Variants in VGLL4 observed in about 807,000 individuals in gnomAD.
VGLL4 encodes transcription cofactor vestigial-like protein 4.
Under a neutral mutation model 21.0 loss-of-function variants are expected in VGLL4, and 7 were observed. The ratio of observed to expected loss-of-function variants is 0.33; its 90% CI spans 0.19 to 0.63. The LOEUF (loss-of-function observed/expected upper bound fraction) is 0.63, where lower values mean the gene tolerates loss of function less well. Among genes scored for constraint, VGLL4 ranks in the 20% least tolerant of loss-of-function variants. The probability of loss-of-function intolerance (pLI) is 0.78; values close to 1 mark genes in which losing one functional copy is unlikely to be tolerated. For synonymous variants in VGLL4, 222 were observed against 173.2 expected (o/e 1.28, Z -2.21); for missense variants, 394 against 425.7 (o/e 0.93, Z 0.66).
At position 11,653,432 on chromosome 3, in the gene VGLL4, T is replaced by C. The variant is rs1283540908; in HGVS notation, c.64+49539A>G. On this transcript the variant is annotated intron_variant, in intron 2 of 5. Coordinates refer to the VGLL4 transcript ENST00000273038. The surrounding 1 kb of genome is among the most constrained non-coding windows in gnomAD (Gnocchi z 4.2). ...GGATTCCTTCACTCCACATATTTTA[T>C]GAGTGGTAGCATTATTTTTATGTGC... is the stretch of plus-strand genomic sequence containing the variant. 6.6e-6 allele frequency among the ~76,000 whole-genome samples: 1 copy of C among 152,234 alleles called. No individual in the cohort carries two copies. Among genetic ancestry groups the C allele is most frequent in the African/African-American group, 2.4e-5 (1 of 41,464 alleles).
chr3:11,606,243 C>T (rs561908654), intron 1 of VGLL4, among the ~76,000 whole-genome samples: 9 of 152,204 alleles, frequency 5.9e-5, no homozygotes, highest in Non-Finnish European at 1.2e-4. Context: ...CAGTTATCTC[C>T]CACCAGGTCC....
chr3:11,637,917 G>T lies in VGLL4; in HGVS notation c.82+5520C>A, dbSNP rs79439721. Among the ~76,000 whole-genome samples the T allele has an allele frequency of 7.5e-3, 1,149 of 152,284 alleles. 8 individuals carry two copies. The highest frequency in any genetic ancestry group is 0.012 in the Non-Finnish European group (823 of 68,034). The stretch of plus-strand genomic sequence containing the variant: ...GCAGAGCAAGTCTTAAAAAACAGTT[G>T]CCATGAGCTTCAATGTGCAATAATA... On this transcript the variant is annotated intron_variant, in intron 1 of 4. Transcript: ENST00000430365.
chr3:11,671,093 C>A (rs540794148), intron 2 of VGLL4, among the ~76,000 whole-genome samples: 2 of 152,250 alleles, frequency 1.3e-5, no homozygotes, highest in South Asian at 2.1e-4. Flanking sequence ...CAGCTGCCCC[C>A]GTCCTTAAGA....
intron 2 of VGLL4, among the ~76,000 whole-genome samples, chr3:11,656,224 A>G (rs1354688764): frequency 6.6e-6 from 1 of 152,238 alleles, no homozygotes; most frequent in Non-Finnish European, 1.5e-5. Flanking sequence ...GACGAGGTCC[A>G]TTCACCACAC....
chr3:11,586,325 A>T (rs1489176287), intron 2 of VGLL4, among the ~76,000 whole-genome samples: 1 of 152,230 alleles, frequency 6.6e-6, no homozygotes, highest in East Asian at 1.9e-4. Context: ...ACTTTCTCCA[A>T]AATAAAAAGT....
In VGLL4 at chr3:11,656,484, T is replaced by C. The variant is rs145618125; in HGVS notation, c.64+46487A>G. 9.8e-3 allele frequency among the ~76,000 whole-genome samples: 1,493 copies of C among 152,244 alleles called. 15 individuals are homozygous for C. The highest frequency in any genetic ancestry group is 0.016 in the Non-Finnish European group (1,067 of 67,990). ...GCTAACAGGCTAGGAGCACCTGAGCTGGGGATCTTTGCAGAAGGGGCTGGC... is the reference window on the plus strand; with the variant it reads ...GCTAACAGGCTAGGAGCACCTGAGCCGGGGATCTTTGCAGAAGGGGCTGGC... On this transcript the variant is annotated intron_variant, in intron 2 of 5. Coordinates refer to the VGLL4 transcript ENST00000273038.
intron 2 of VGLL4, among the ~76,000 whole-genome samples, chr3:11,678,712 T>C (rs1236953803): frequency 6.6e-6 from 1 of 152,180 alleles, no homozygotes; most frequent in East Asian, 1.9e-4. Flanking sequence ...TCTCCCTCTT[T>C]GTTTATGTTG....
At chr3:11,576,994 A>G (rs2077507) in intron 2 of VGLL4, among the ~76,000 whole-genome samples, 35,337 of 152,126 alleles carry the variant, frequency 0.23, 4,934 homozygotes, top group African/African-American at 0.38. Context: ...TTTATGAATG[A>G]GCCAACCGAA....
At chr3:11,622,014 G>GT (rs1385284788) in intron 1 of VGLL4, among the ~76,000 whole-genome samples, 1 of 150,530 alleles carries the variant, frequency 6.6e-6, no homozygotes, top group Non-Finnish European at 1.5e-5. Flanking sequence ...CTGTTGAGAT[G>GT]TAAGAGTTCT....
intron 2 of VGLL4, among the ~76,000 whole-genome samples, chr3:11,578,271 C>T (rs2074113119): frequency 6.6e-6 from 1 of 152,110 alleles, no homozygotes; most frequent in Non-Finnish European, 1.5e-5. Context: ...GCTTTGTGAC[C>T]CCATACTGGC....
chr3:11,681,305 G>A lies in VGLL4; in HGVS notation c.64+21666C>T, dbSNP rs186068400. ...GTAGAGACGGGGTTTCACCATGTTC[G>A]GCAAGATGGTCTCAAACTCCTGACC... On this transcript the variant is annotated intron_variant, in intron 2 of 5. Coordinates refer to the VGLL4 transcript ENST00000273038. Among the ~76,000 whole-genome samples the A allele has an allele frequency of 2.0e-3, 305 of 152,230 alleles. 2 individuals carry two copies. Among genetic ancestry groups the A allele is most frequent in the African/African-American group, 7.2e-3 (299 of 41,534 alleles).
intron 2 of VGLL4, among the ~76,000 whole-genome samples, chr3:11,566,011 T>C (rs1047316366): frequency 2.0e-5 from 3 of 152,290 alleles, no homozygotes; most frequent in South Asian, 4.2e-4. Context: ...TGAATTATGA[T>C]TTGAGTGAAT....
At chr3:11,714,633 C>G (rs1652381045) in intron 1 of VGLL4, among the ~76,000 whole-genome samples, 2 of 151,568 alleles carry the variant, frequency 1.3e-5, no homozygotes, top group South Asian at 4.2e-4. Context: ...ATGAATCTCT[C>G]TCTCTTCATT....
At chr3:11,717,490 ATTTT>A (rs60921966) in intron 1 of VGLL4, among the ~76,000 whole-genome samples, 5 of 72,938 alleles carry the variant, frequency 6.9e-5, no homozygotes, top group African/African-American at 1.3e-4. Context: ...CCCACTACAG[ATTTT>A]TTTTTTTTTT....
intron 2 of VGLL4, among the ~76,000 whole-genome samples, chr3:11,598,798 CT>C (rs1250411498): frequency 6.6e-6 from 1 of 152,160 alleles, no homozygotes; most frequent in East Asian, 1.9e-4. Context: ...AGCCAAAACT[CT>C]TTTCCAATAA....
intron 2 of VGLL4, among the ~76,000 whole-genome samples, chr3:11,570,628 GGC>G (rs2073738100): frequency 6.6e-6 from 1 of 152,226 alleles, no homozygotes; most frequent in African/African-American, 2.4e-5. Context: ...CAGCGTTTGT[GGC>G]AAATGACAAG....
chr3:11,664,632 A>C (rs562332557), intron 2 of VGLL4, among the ~76,000 whole-genome samples: 2 of 152,314 alleles, frequency 1.3e-5, no homozygotes, highest in Non-Finnish European at 2.9e-5. Context: ...GGGACTGTGC[A>C]GTAAGGGGTC....
chr3:11,591,422 C>T (rs768660328), intron 2 of VGLL4, among the ~76,000 whole-genome samples: 3 of 152,206 alleles, frequency 2.0e-5, no homozygotes, highest in African/African-American at 4.8e-5. Context: ...CCCCCCTTGG[C>T]ATTTCTTCAT....
chr3:11,596,891 C>A (rs2074658865), intron 2 of VGLL4, among the ~76,000 whole-genome samples: 1 of 152,146 alleles, frequency 6.6e-6, no homozygotes, highest in South Asian at 2.1e-4. Context: ...TAACACCTAG[C>A]ACCTGGATCT....
Sources: allele counts gnomAD v4.1 joint callset (sites outside exome capture counted in the v4.1 genomes callset), GRCh38; gene constraint gnomAD v4.1.1; non-coding constraint Gnocchi (gnomAD v3.1); transcripts MANE v1.5; gene names NCBI Gene and HGNC (gene_info 2026-07-23, HGNC 2026-07-21).